Variants in NAALADL2 observed in about 807,000 individuals in gnomAD.
The protein encoded by NAALADL2 is N-acetylated alpha-linked acidic dipeptidase like 2.
NAALADL2 carries 76 observed loss-of-function variants against 87.2 expected under a neutral mutation model. The observed-to-expected ratio is 0.87, with a 90% CI of 0.72 to 1.05. NAALADL2 has a LOEUF of 1.05. Among genes scored for constraint, NAALADL2 ranks in the 50% least tolerant of loss-of-function variants. The pLI, the probability that NAALADL2 is intolerant of heterozygous loss-of-function variation, is 0.00. For missense variants in NAALADL2, 1,089 were observed against 945.8 expected, an observed-to-expected ratio of 1.15 and a Z score of -1.99; for synonymous variants, 354 against 331.0, an observed-to-expected ratio of 1.07 and a Z score of -0.75.
chr3:174,476,936 CA>C (rs1281501195), intron 1 of NAALADL2, among the ~76,000 whole-genome samples: 9 of 151,996 alleles, frequency 5.9e-5, no homozygotes, highest in Admixed American at 3.9e-4. Context: ...GCGAAAGATT[CA>C]GGGACTAGAC....
rs577783561 is a variant in NAALADL2, at chr3:175,370,122, TC to T, written c.1090+45799del. 2.4e-3 allele frequency among the ~76,000 whole-genome samples: 361 copies of T among 152,226 alleles called. 1 individual carries two copies. The highest frequency in any genetic ancestry group is 8.5e-3 in the African/African-American group (351 of 41,526). ...GGATAAAAGAATGATTATTTCAATA[TC>T]CAGTCATAGTTCATCATCAAACTCT... On this transcript the variant is annotated intron_variant, in intron 5 of 13. Transcript: ENST00000454872.
At chr3:175,701,031 A>C (rs1738922103) in intron 11 of NAALADL2, among the ~76,000 whole-genome samples, 1 of 152,126 alleles carries the variant, frequency 6.6e-6, no homozygotes, top group Non-Finnish European at 1.5e-5. Context: ...AAATGACAAC[A>C]ACCTAGGTCT....
chr3:175,809,411 T>G lies in NAALADL2; in HGVS notation c.*6208T>G, dbSNP rs969929879. 1 of 147,902 alleles carries G rather than the reference T, an allele frequency of 6.8e-6. No homozygotes were observed. The highest frequency in any genetic ancestry group is 1.5e-5 in the Non-Finnish European group (1 of 67,502). The allele number at this position is 147,902 out of a possible 1,614,324, so 9.2% of individuals were successfully genotyped here. On this transcript the variant is annotated 3_prime_UTR_variant, in exon 14 of 14. Transcript: ENST00000454872. ...TGCTACTTGGAGAATATGGATATTC[T>G]GAAAAGAAAAACCCTTTCTAGAACA...
At chr3:175,419,198 G>A (rs969836870) in intron 5 of NAALADL2, among the ~76,000 whole-genome samples, 1 of 151,862 alleles carries the variant, frequency 6.6e-6, no homozygotes, top group Non-Finnish European at 1.5e-5. Flanking sequence ...GTCATTTCAA[G>A]TATCCTTCTC....
intron 3 of NAALADL2, among the ~76,000 whole-genome samples, chr3:174,804,000 G>T (rs780793861): frequency 2.4e-4 from 37 of 152,226 alleles, no homozygotes; most frequent in Admixed American, 6.5e-4. Context: ...TTCTAATTCT[G>T]TGAAGAAAGT....
intron 11 of NAALADL2, among the ~76,000 whole-genome samples, chr3:175,736,101 G>T (rs1260190017): frequency 6.6e-6 from 1 of 152,066 alleles, no homozygotes; most frequent in Non-Finnish European, 1.5e-5. Flanking sequence ...GATAACAATG[G>T]CATTTGCTGC....
intron 2 of NAALADL2, among the ~76,000 whole-genome samples, chr3:174,582,262 G>A (rs1175797754): frequency 6.6e-6 from 1 of 152,196 alleles, no homozygotes; most frequent in Non-Finnish European, 1.5e-5. Context: ...AAATGGGGTT[G>A]AAGAAGTGGA....
At chr3:175,367,046 A>G (rs1272854533) in intron 5 of NAALADL2, among the ~76,000 whole-genome samples, 1 of 151,306 alleles carries the variant, frequency 6.6e-6, no homozygotes, top group Non-Finnish European at 1.5e-5. Flanking sequence ...ATAAGGTGTA[A>G]GGAAGGGATC....
intron 9 of NAALADL2, among the ~76,000 whole-genome samples, chr3:175,546,531 A>G (rs1713364223): frequency 6.6e-6 from 1 of 151,954 alleles, no homozygotes; most frequent in Admixed American, 6.6e-5. Flanking sequence ...AACGGTATTT[A>G]CTTTCCATTT....
At chr3:175,761,369 T>C (rs1230254931) in intron 13 of NAALADL2, among the ~76,000 whole-genome samples, 1 of 152,200 alleles carries the variant, frequency 6.6e-6, no homozygotes, top group Non-Finnish European at 1.5e-5. Context: ...TTTCTCCGTG[T>C]TCATTTCTTT....
chr3:175,432,875 G>T (rs1365782103), intron 5 of NAALADL2, among the ~76,000 whole-genome samples: 1 of 152,034 alleles, frequency 6.6e-6, no homozygotes. Context: ...CTATTCATCA[G>T]CAACTTACTT....
chr3:175,176,196 A>G (rs1735672315), intron 2 of NAALADL2, among the ~76,000 whole-genome samples: 1 of 152,100 alleles, frequency 6.6e-6, no homozygotes, highest in Non-Finnish European at 1.5e-5. Context: ...GCCTTGGAAA[A>G]TGACATTTTT....
chr3:175,574,287 A>G (rs1325397187), intron 9 of NAALADL2, among the ~76,000 whole-genome samples: 1 of 152,180 alleles, frequency 6.6e-6, no homozygotes, highest in African/African-American at 2.4e-5. Context: ...GTAGAAGTGA[A>G]AGTGTATTTT....
At chr3:174,867,279 G>A (rs759560134) in intron 1 of NAALADL2, among the ~76,000 whole-genome samples, 6 of 151,808 alleles carry the variant, frequency 4.0e-5, no homozygotes, top group African/African-American at 7.3e-5. Flanking sequence ...AAGCTGATCC[G>A]CTATTAACAC....
At chr3:175,047,007 G>C in intron 1 of NAALADL2, among the ~76,000 whole-genome samples, 1 of 152,162 alleles carries the variant, frequency 6.6e-6, no homozygotes, top group East Asian at 1.9e-4. Context: ...CTGTGTCATA[G>C]ATGGCCATCT....
At chr3:175,713,625 C>T (rs941870414) in intron 11 of NAALADL2, among the ~76,000 whole-genome samples, 2 of 152,146 alleles carry the variant, frequency 1.3e-5, no homozygotes, top group African/African-American at 2.4e-5. Context: ...GCAGTTCCTA[C>T]ACAACTTTGA....
intron 9 of NAALADL2, among the ~76,000 whole-genome samples, chr3:175,505,879 T>G (rs1013497450): frequency 6.6e-6 from 1 of 152,194 alleles, no homozygotes; most frequent in Non-Finnish European, 1.5e-5. Flanking sequence ...ACTTACATCA[T>G]TGGATTTTTT....
chr3:174,554,791 G>A (rs1712554684), intron 2 of NAALADL2, among the ~76,000 whole-genome samples: 1 of 151,762 alleles, frequency 6.6e-6, no homozygotes, highest in South Asian at 2.1e-4. Context: ...ATGTTGTAGG[G>A]AATTGTCTTA....
intron 9 of NAALADL2, among the ~76,000 whole-genome samples, chr3:175,517,064 T>G (rs1163595145): frequency 6.6e-6 from 1 of 152,236 alleles, no homozygotes; most frequent in Non-Finnish European, 1.5e-5. Flanking sequence ...TTTGTGTTTA[T>G]GTAGTAGTAT....
Sources: allele counts gnomAD v4.1 joint callset (sites outside exome capture counted in the v4.1 genomes callset), GRCh38; gene constraint gnomAD v4.1.1; transcripts MANE v1.5; gene names NCBI Gene and HGNC (gene_info 2026-07-23, HGNC 2026-07-21).